The following UBASH3B variants were observed in gnomAD, a reference collection of about 807,000 sequenced individuals.
UBASH3B encodes ubiquitin associated and SH3 domain containing B, also known as ubiquitin-associated and SH3 domain-containing protein B.
UBASH3B carries 37 observed loss-of-function variants against 83.4 expected under a neutral mutation model. The ratio of observed to expected loss-of-function variants is 0.44; its 90% CI spans 0.34 to 0.58. UBASH3B has a LOEUF of 0.58. Ranked by LOEUF, UBASH3B falls within the 20% of genes least tolerant of loss-of-function variation. The pLI, the probability that UBASH3B is intolerant of heterozygous loss-of-function variation, is 0.01. For missense variants in UBASH3B, 657 were observed against 827.2 expected (o/e 0.79, Z 2.52); for synonymous variants, 304 against 318.3 (o/e 0.96, Z 0.48).
chr11:122,690,214 T>TTTTATATA (rs555075985), intron 1 of UBASH3B, among the ~76,000 whole-genome samples: 9 of 52,662 alleles, frequency 1.7e-4, no homozygotes, highest in South Asian at 6.8e-4. Context: ...ATATATCCAA[T>TTTTATATA]TATATATATA....
chr11:122,655,854 G>T lies in UBASH3B; in HGVS notation c.-196G>T. 1.7e-6 allele frequency: 1 copy of T among 576,826 alleles called. No individual in the cohort carries two copies. The highest frequency in any genetic ancestry group is 2.8e-6 in the Non-Finnish European group (1 of 360,250). The allele number at this position is 576,826 out of a possible 1,614,324, so 35.7% of individuals were successfully genotyped here. A position where few individuals can be genotyped will look rare whatever the true frequency, so the allele number is the denominator to read the frequency against. On this transcript the variant is annotated 5_prime_UTR_variant, in exon 1 of 14. Transcript: ENST00000284273. Reference sequence around the variant, plus strand: ...GGTCCCGCAGCGGCCGCTTGCCGGCGTTCTGGCTCCTGTGGCCTCACCAGG... The same window carrying T: ...GGTCCCGCAGCGGCCGCTTGCCGGCTTTCTGGCTCCTGTGGCCTCACCAGG...
intron 1 of UBASH3B, among the ~76,000 whole-genome samples, chr11:122,713,659 C>T (rs1864229356): frequency 6.6e-6 from 1 of 151,462 alleles, no homozygotes; most frequent in South Asian, 2.1e-4. Context: ...ATTTTGGGGG[C>T]CCTAAAGTTT....
intron 9 of UBASH3B, among the ~76,000 whole-genome samples, 182 bp from the exon 10 acceptor site, chr11:122,798,758 CAT>C: frequency 6.6e-6 from 1 of 151,194 alleles, no homozygotes; most frequent in Non-Finnish European, 1.5e-5. Context: ...CGCTTGCTCT[CAT>C]AGGAACGCCG....
At chr11:122,801,372 A>G in intron 11 of UBASH3B, 40 bp downstream of exon 11, 1 of 1,607,030 alleles carries the variant, frequency 6.2e-7, no homozygotes, top group Non-Finnish European at 8.5e-7. Flanking sequence ...GCCAGTGTGG[A>G]AGTGCTTTCT....
chr11:122,681,431 A>G (rs1162434338), intron 1 of UBASH3B, among the ~76,000 whole-genome samples: 1 of 152,166 alleles, frequency 6.6e-6, no homozygotes, highest in African/African-American at 2.4e-5. Flanking sequence ...TTGGTTTTGG[A>G]CACAGAAAGG....
At chr11:122,684,193 C>T (rs1332673214) in intron 1 of UBASH3B, among the ~76,000 whole-genome samples, 1 of 152,148 alleles carries the variant, frequency 6.6e-6, no homozygotes, top group African/African-American at 2.4e-5. Flanking sequence ...TCTGTGTGCA[C>T]ATTCAACCCA....
At position 122,809,747 on chromosome 11, in the gene UBASH3B, A is replaced by G; in HGVS notation, c.1813-2A>G. 6.2e-7 allele frequency: 1 copy of G among 1,614,140 alleles called. No individual in the cohort carries two copies. Among genetic ancestry groups the G allele is most frequent in the Non-Finnish European group, 8.5e-7 (1 of 1,180,002 alleles). Reference sequence around the variant, plus strand: ...CCCCTTTCTTTACGACTCTTACTTCAGATCCCATATCTGGGATTTTGTTCC... The same window carrying G: ...CCCCTTTCTTTACGACTCTTACTTCGGATCCCATATCTGGGATTTTGTTCC... On this transcript the variant is annotated splice_acceptor_variant, in intron 13 of 13. Transcript: ENST00000284273. LOFTEE classifies it high-confidence loss of function.
chr11:122,765,735 C>T (rs1177939763), intron 1 of UBASH3B, among the ~76,000 whole-genome samples: 1 of 152,184 alleles, frequency 6.6e-6, no homozygotes, highest in East Asian at 1.9e-4. Flanking sequence ...GCCCTTATCT[C>T]CATATAAGTC....
intron 1 of UBASH3B, among the ~76,000 whole-genome samples, chr11:122,713,945 A>G (rs746444270): frequency 1.1e-4 from 16 of 151,438 alleles, no homozygotes; most frequent in Admixed American, 2.0e-4. Context: ...TAACTTAAGC[A>G]GGAAACGAGT....
intron 1 of UBASH3B, among the ~76,000 whole-genome samples, chr11:122,723,416 G>A (rs964010381): frequency 2.0e-4 from 31 of 152,032 alleles, no homozygotes; most frequent in East Asian, 5.9e-4. Flanking sequence ...TCATTTCCAC[G>A]TGATCTCCCT....
At chr11:122,797,257 G>A (rs1004222453) in intron 9 of UBASH3B, 14 of 471,090 alleles carry the variant, frequency 3.0e-5, no homozygotes, top group Non-Finnish European at 5.2e-5. Flanking sequence ...TGAGGAGCAC[G>A]TGATCCAGTA....
intron 1 of UBASH3B, among the ~76,000 whole-genome samples, chr11:122,741,557 T>C (rs1222941036): frequency 2.0e-5 from 3 of 152,090 alleles, no homozygotes; most frequent in African/African-American, 7.2e-5. Flanking sequence ...ACTGCGTGAG[T>C]GATCGAATAC....
intron 1 of UBASH3B, among the ~76,000 whole-genome samples, chr11:122,757,915 T>A (rs1000037359): frequency 6.6e-6 from 1 of 151,876 alleles, no homozygotes; most frequent in African/African-American, 2.4e-5. Context: ...GGTTCCACCA[T>A]GTTGATGGTC....
intron 1 of UBASH3B, among the ~76,000 whole-genome samples, chr11:122,720,609 C>G (rs567998517): frequency 1.3e-5 from 2 of 152,166 alleles, no homozygotes; most frequent in Non-Finnish European, 2.9e-5. Flanking sequence ...CATGTACCTC[C>G]TTGCCCATTC....
intron 1 of UBASH3B, among the ~76,000 whole-genome samples, chr11:122,747,087 C>T (rs1334184387): frequency 2.0e-5 from 3 of 152,082 alleles, no homozygotes; most frequent in South Asian, 2.1e-4. Flanking sequence ...GGGTGGTCAC[C>T]GGAGAGGCAG....
At chr11:122,753,209 C>A (rs992431972) in intron 1 of UBASH3B, among the ~76,000 whole-genome samples, 1 of 151,542 alleles carries the variant, frequency 6.6e-6, no homozygotes, top group East Asian at 2.0e-4. Flanking sequence ...TTTGGGAGGC[C>A]GAGGCGGGCG....
chr11:122,690,214 T>TATAAA (rs1863873410), intron 1 of UBASH3B, among the ~76,000 whole-genome samples: 1 of 52,684 alleles, frequency 1.9e-5, no homozygotes, highest in Non-Finnish European at 3.3e-5. Context: ...ATATATCCAA[T>TATAAA]TATATATATA....
At chr11:122,767,350 A>G (rs1591804610) in intron 1 of UBASH3B, among the ~76,000 whole-genome samples, 1 of 143,588 alleles carries the variant, frequency 7.0e-6, no homozygotes, top group Middle Eastern at 3.7e-3. Context: ...TCTCTCTGTC[A>G]CCCAGACTGG....
chr11:122,711,560 G>A (rs563265363), intron 1 of UBASH3B, among the ~76,000 whole-genome samples: 96 of 152,352 alleles, frequency 6.3e-4, no homozygotes, highest in Non-Finnish European at 1.1e-3. Context: ...GACATGTGCC[G>A]GGAGTGCGTG....
Sources: allele counts gnomAD v4.1 joint callset (sites outside exome capture counted in the v4.1 genomes callset), GRCh38; gene constraint gnomAD v4.1.1; transcripts MANE v1.5; gene names NCBI Gene and HGNC (gene_info 2026-07-23, HGNC 2026-07-21).